PLA2G3: variants seen among roughly 807,000 people sequenced by gnomAD.
PLA2G3 encodes the protein group 3 secretory phospholipase A2.
Under a neutral mutation model 51.3 loss-of-function variants are expected in PLA2G3, and 39 were observed. That is an observed-to-expected ratio of 0.76 (90% CI 0.59 to 0.99). The LOEUF (loss-of-function observed/expected upper bound fraction) is 0.99, where lower values mean the gene tolerates loss of function less well. Among genes scored for constraint, PLA2G3 ranks in the 50% least tolerant of loss-of-function variants. PLA2G3 has a pLI of 0.00. For missense variants in PLA2G3, 677 were observed against 662.1 expected (o/e 1.02, Z -0.25); for synonymous variants, 293 against 263.1 (o/e 1.11, Z -1.10).
Position 31,138,689 on chromosome 22 carries a change from A to G in PLA2G3, c.625T>C (p.Ser209Pro). The change falls in exon 2 of 7, where the codon TCC (serine) becomes CCC (proline). Residue 209 changes from serine (S) to proline (P), a missense_variant. Coordinates refer to ENST00000215885, the MANE Select transcript of PLA2G3 (RefSeq NM_015715.5). ...GIRNYRFHTI[S>P]HCDCDTRFQQ... ...AACCTGGTGTCACAGTCACAGTGGG[A>G]GATGGTGTGGAATCGGTAGTTTCGG... The G allele has an allele frequency of 6.2e-7, 1 of 1,614,022 alleles. No homozygotes were observed. Among genetic ancestry groups the G allele is most frequent in the African/African-American group, 1.3e-5 (1 of 74,984 alleles).
Position 31,136,904 on chromosome 22 carries a change from T to A in PLA2G3, c.1199+4A>T. ...CACCCCGCGAGGGTTCAAAGGGGCC[T>A]CACCGGCGCGTGCAGTTGCAGTGGA... On this transcript the variant is annotated splice_donor_region_variant and intron_variant, in intron 5 of 6. Transcript: ENST00000215885. 6.2e-7 allele frequency: 1 copy of A among 1,609,174 alleles called. No homozygotes were observed. The highest frequency in any genetic ancestry group is 8.5e-7 in the Non-Finnish European group (1 of 1,178,332).
intron 4 of PLA2G3, 135 bp from the exon 5 acceptor site, chr22:31,137,175 G>T: frequency 2.1e-6 from 2 of 970,760 alleles, no homozygotes; most frequent in Non-Finnish European, 3.0e-6. Flanking sequence ...TGCCTTCTGA[G>T]TCTTTGTGCC....
At chr22:31,137,128 G>T in intron 4 of PLA2G3, 88 bp from the exon 5 acceptor site, 1 of 1,262,002 alleles carries the variant, frequency 7.9e-7, no homozygotes, top group Non-Finnish European at 1.1e-6. Context: ...ACACCAGCAC[G>T]TGTGCTCAGT....
At position 31,135,878 on chromosome 22, in the gene PLA2G3, G is replaced by T; in HGVS notation, c.1375C>A (p.Gln459Lys). 2 of 1,613,846 alleles carry T rather than the reference G, an allele frequency of 1.2e-6. No individual in the cohort carries two copies. Among genetic ancestry groups the T allele is most frequent in the South Asian group, 2.2e-5 (2 of 91,078 alleles). ...TTATCCTGGAGCTGGTGTCGCCTCT[G>T]CTGAAGCCTCCGCAAGTGCCGGGCT... ...VSARHLRRLQQRRHQLQDKGT... is the reference protein window; with the variant it reads ...VSARHLRRLQKRRHQLQDKGT... Residue 459 changes from glutamine to lysine, a missense_variant, in exon 7 of 7, where the codon CAG becomes AAG. Coordinates refer to ENST00000215885, the MANE Select transcript of PLA2G3 (RefSeq NM_015715.5).
At chr22:31,136,478 A>G (rs1005022788) in intron 6 of PLA2G3, among the ~76,000 whole-genome samples, 7 of 152,182 alleles carry the variant, frequency 4.6e-5, no homozygotes, top group Admixed American at 1.3e-4. Flanking sequence ...GTGGGAATCA[A>G]ATGACAAAGC....
Position 31,140,173 on chromosome 22 carries a change from C to A in PLA2G3, c.182G>T (p.Arg61Leu), listed in dbSNP as rs201934732. The change falls in exon 1 of 7, where the codon CGC becomes CTC. Residue 61 changes from arginine to leucine, a missense_variant. By Grantham distance (102) the Arg-to-Leu change is moderately radical. Coordinates refer to ENST00000215885, the MANE Select transcript of PLA2G3 (RefSeq NM_015715.5). ...DAQGLALIHARWDAHRRLQSC... is the reference protein window; with the variant it reads ...DAQGLALIHALWDAHRRLQSC... The stretch of plus-strand genomic sequence containing the variant: ...CTGCAGCCTCCTATGCGCATCCCAG[C>A]GGGCATGGATCAGGGCCAGTCCCTG... 1.5e-5 allele frequency: 24 copies of A among 1,612,358 alleles called. No homozygotes were observed. Among genetic ancestry groups the A allele is most frequent in the South Asian group, 3.3e-5 (3 of 91,080 alleles).
In PLA2G3 at chr22:31,136,682, C is replaced by G. The variant is rs1282732305; in HGVS notation, c.1316+1G>C. On this transcript the variant is annotated splice_donor_variant, in intron 6 of 6. Transcript: ENST00000215885. LOFTEE classifies it high-confidence loss of function. ...TCCCTCCTGGCTCTGACATCACTTA[C>G]TTTTTGCCTTCCACACAGTCCAGTG... 6.2e-7 allele frequency: 1 copy of G among 1,612,502 alleles called. No homozygotes were observed. Among genetic ancestry groups the G allele is most frequent in the South Asian group, 1.1e-5 (1 of 90,990 alleles).
chr22:31,138,366 A>G lies in PLA2G3; in HGVS notation c.692T>C (p.Ile231Thr). 1.2e-6 allele frequency: 2 copies of G among 1,613,952 alleles called. No homozygotes were observed. Among genetic ancestry groups the G allele is most frequent in the East Asian group, 2.2e-5 (1 of 44,872 alleles). Reference protein sequence around the residue: ...LQNQHDSISDIVGVAFFNVLE... With the variant: ...LQNQHDSISDTVGVAFFNVLE... ...CACGTTGAAGAAGGCCACGCCCACGATGTCCGAGATGGAGTCGTGCTGATT... is the reference window on the plus strand; with the variant it reads ...CACGTTGAAGAAGGCCACGCCCACGGTGTCCGAGATGGAGTCGTGCTGATT... Residue 231 changes from isoleucine (I) to threonine (T), a missense_variant, in exon 3 of 7, where the codon ATC becomes ACC. Coordinates refer to ENST00000215885, the MANE Select transcript of PLA2G3 (RefSeq NM_015715.5).
intron 1 of PLA2G3, 41 bp downstream of exon 1, chr22:31,139,800 C>A: frequency 6.9e-7 from 1 of 1,453,262 alleles, no homozygotes; most frequent in East Asian, 2.3e-5. Flanking sequence ...ACCTTGCTTC[C>A]CCGATCGGAC....
chr22:31,138,803 C>A lies in PLA2G3; in HGVS notation c.515-4G>T, dbSNP rs1456116281. 2 of 1,613,914 alleles carry A rather than the reference C, an allele frequency of 1.2e-6. No homozygotes were observed. The highest frequency in any genetic ancestry group is 4.5e-5 in the East Asian group (2 of 44,880). On this transcript the variant is annotated splice_region_variant and splice_polypyrimidine_tract_variant and intron_variant, in intron 1 of 6. Coordinates refer to ENST00000215885, the MANE Select transcript of PLA2G3 (RefSeq NM_015715.5). ...AGATCAGGTCCCTGGAAGACCCCTG[C>A]AGGGAGGGGAGGGGAGAGGGCACCA...
intron 2 of PLA2G3, 97 bp from the exon 3 acceptor site, chr22:31,138,507 C>A: frequency 6.5e-7 from 1 of 1,528,358 alleles, no homozygotes; most frequent in South Asian, 1.2e-5. Flanking sequence ...GGTTTGGGGT[C>A]CAAGCATCCC....
At chr22:31,137,666 A>C (rs1312126174) in intron 4 of PLA2G3, 44 bp downstream of exon 4, 2 of 1,525,014 alleles carry the variant, frequency 1.3e-6, no homozygotes, top group Non-Finnish European at 1.8e-6. Context: ...AAGCAGGGAC[A>C]CCCCCTCATG....
chr22:31,136,396 C>A (rs967862559), intron 6 of PLA2G3, among the ~76,000 whole-genome samples: 37 of 152,174 alleles, frequency 2.4e-4, no homozygotes, highest in African/African-American at 7.7e-4. Flanking sequence ...CCTGCCGTTT[C>A]CTTGGTTCCT....
chr22:31,136,947 C>T lies in PLA2G3; in HGVS notation c.1160G>A (p.Ser387Asn). ...GCAGTGGAAGAGGGGCTCTTGGGCG[C>T]TGTTGAGCAGCTGGAACTCGATTTC... The part of the protein sequence containing the change: ...PREIEFQLLN[S>N]AQEPLFHCNC... Residue 387 changes from serine to asparagine, a missense_variant, in exon 5 of 7, where the codon AGC becomes AAC. Physicochemically the swap from Ser to Asn is conservative, Grantham distance 46. Coordinates refer to ENST00000215885, the MANE Select transcript of PLA2G3 (RefSeq NM_015715.5). 1.2e-6 allele frequency: 2 copies of T among 1,601,878 alleles called. 1 individual carries two copies. The highest frequency in any genetic ancestry group is 4.5e-5 in the East Asian group (2 of 44,108).
At chr22:31,139,814 C>T (rs1870912032) in intron 1 of PLA2G3, 27 bp downstream of exon 1, 1 of 1,564,278 alleles carries the variant, frequency 6.4e-7, no homozygotes, top group African/African-American at 1.4e-5. Context: ...ATCGGACCCC[C>T]CAGCCCACAC....
rs149289168 is a variant in PLA2G3 at position 31,138,279 on chromosome 22, C to T, written c.779G>A (p.Gly260Asp). The T allele has an allele frequency of 2.5e-6, 4 of 1,613,432 alleles. No individual in the cohort carries two copies. Among genetic ancestry groups the T allele is most frequent in the Non-Finnish European group, 3.4e-6 (4 of 1,179,854 alleles). The change falls in exon 3 of 7, where the codon GGC (glycine) becomes GAC (aspartate). Residue 260 changes from glycine (G) to aspartate (D), a missense_variant. Gly to Asp is a moderately conservative substitution (Grantham distance 94). Transcript: ENST00000215885. ...ACATGAGGGGGTGGCCACGTACCCGCCCCACCAGTACCACGCCACACACGC... is the reference window on the plus strand; with the variant it reads ...ACATGAGGGGGTGGCCACGTACCCGTCCCACCAGTACCACGCCACACACGC... ...QEACVAWYWWGGCRMYGTVPL... is the reference protein window; with the variant it reads ...QEACVAWYWWDGCRMYGTVPL...
rs993812174 is a variant in PLA2G3, at chr22:31,138,382, C to T, written c.676G>A (p.Asp226Asn). ...ACGCCCACGATGTCCGAGATGGAGTCGTGCTGATTCTGTAGGCATTGCTGA... is the reference window on the plus strand; with the variant it reads ...ACGCCCACGATGTCCGAGATGGAGTTGTGCTGATTCTGTAGGCATTGCTGA... Reference protein sequence around the residue: ...RFQQCLQNQHDSISDIVGVAF... With the variant: ...RFQQCLQNQHNSISDIVGVAF... Residue 226 changes from aspartate (D) to asparagine (N), a missense_variant, in exon 3 of 7, where the codon GAC (aspartate) becomes AAC (asparagine). Asp to Asn is a conservative substitution (Grantham distance 23). Transcript: ENST00000215885. 11 of 1,613,862 alleles carry T rather than the reference C, an allele frequency of 6.8e-6. No individual in the cohort carries two copies. The highest frequency in any genetic ancestry group is 4.4e-5 in the South Asian group (4 of 91,084).
chr22:31,135,648 G>T lies in PLA2G3; in HGVS notation c.*75C>A. 1.8e-6 allele frequency: 2 copies of T among 1,101,284 alleles called. No individual in the cohort carries two copies. Among genetic ancestry groups the T allele is most frequent in the South Asian group, 1.3e-5 (1 of 76,128 alleles). The allele number at this position is 1,101,284 out of a possible 1,614,324, so 68.2% of individuals were successfully genotyped here. A position where few individuals can be genotyped will look rare whatever the true frequency, so the allele number is the denominator to read the frequency against. ...ATGCTTCAGTCTAACCTACGGAGGG[G>T]AGGCTGAGATTCCCAAGGCTTGGCA... On this transcript the variant is annotated 3_prime_UTR_variant, in exon 7 of 7. Coordinates refer to ENST00000215885, the MANE Select transcript of PLA2G3 (RefSeq NM_015715.5).
chr22:31,137,007 T>A lies in PLA2G3; in HGVS notation c.1100A>T (p.His367Leu), dbSNP rs759313606. The change falls in exon 5 of 7, where the codon CAC becomes CTC. Residue 367 changes from histidine (H) to leucine (L), a missense_variant. Coordinates refer to ENST00000215885, the MANE Select transcript of PLA2G3 (RefSeq NM_015715.5). ...ARWVCRSFRRHLDQCEHQIGP... is the reference protein window; with the variant it reads ...ARWVCRSFRRLLDQCEHQIGP... ...AATCTGGTGCTCACACTGGTCCAGG[T>A]GGCGGCGGAAGCTGCGGCAGACCCA... 2 of 1,555,206 alleles carry A rather than the reference T, an allele frequency of 1.3e-6. No homozygotes were observed. The highest frequency in any genetic ancestry group is 1.7e-4 in the Middle Eastern group (1 of 5,776).
Sources: gnomAD v4.1 joint callset for allele counts (sites outside exome capture counted in the v4.1 genomes callset) on GRCh38, gnomAD v4.1.1 for gene constraint, MANE v1.5 for transcripts, NCBI Gene and HGNC (gene_info 2026-07-23, HGNC 2026-07-21) for gene names.